Variants in MSH3 observed in about 807,000 individuals in gnomAD.
MSH3 encodes the protein mutS homolog 3, also known as DNA mismatch repair protein Msh3.
MSH3 carries 106 observed loss-of-function variants against 123.3 expected under a neutral mutation model. That is an observed-to-expected ratio of 0.86 (90% CI 0.73 to 1.01). The LOEUF (loss-of-function observed/expected upper bound fraction) is 1.01. Among genes scored for constraint, MSH3 ranks in the 50% least tolerant of loss-of-function variants. The pLI, the probability that MSH3 is intolerant of heterozygous loss-of-function variation, is 0.00. For missense variants in MSH3, 1,459 were observed against 1,347.6 expected (o/e 1.08, Z -1.29); for synonymous variants, 515 against 481.4 (o/e 1.07, Z -0.91).
At chr5:80,688,443 C>T (rs1750141840) in intron 8 of MSH3, among the ~76,000 whole-genome samples, 1 of 152,128 alleles carries the variant, frequency 6.6e-6, no homozygotes, top group Non-Finnish European at 1.5e-5. Flanking sequence ...ATAGTACCAC[C>T]TGAATGTCAC....
chr5:80,826,713 T>G (rs1745317517), intron 20 of MSH3, among the ~76,000 whole-genome samples: 13 of 152,064 alleles, frequency 8.5e-5, no homozygotes, highest in Admixed American at 8.5e-4. Flanking sequence ...CACGCCCAGC[T>G]AATTTTTGTA....
At chr5:80,676,440 T>A (rs1561438706) in intron 7 of MSH3, among the ~76,000 whole-genome samples, 2 of 152,232 alleles carry the variant, frequency 1.3e-5, no homozygotes, top group Non-Finnish European at 2.9e-5. Flanking sequence ...TTCAGAACAA[T>A]CAGACACCCC....
At chr5:80,865,478 C>T (rs537456227) in intron 22 of MSH3, among the ~76,000 whole-genome samples, 1 of 151,964 alleles carries the variant, frequency 6.6e-6, no homozygotes, top group South Asian at 2.1e-4. Flanking sequence ...CTAGAATTCA[C>T]TTCTTCTGCT....
chr5:80,671,038 G>A (rs923143790), intron 4 of MSH3, among the ~76,000 whole-genome samples: 4 of 151,738 alleles, frequency 2.6e-5, no homozygotes, highest in South Asian at 2.1e-4. Flanking sequence ...CAGGAGAGTC[G>A]CTTGAACCCG....
intron 20 of MSH3, among the ~76,000 whole-genome samples, chr5:80,814,557 C>T (rs1173735298): frequency 6.6e-6 from 1 of 152,232 alleles, no homozygotes; most frequent in South Asian, 2.1e-4. Flanking sequence ...AGGCGTGAGC[C>T]ACCACACCCA....
chr5:80,679,226 TTAAAA>T, intron 8 of MSH3, 133 bp downstream of exon 8: 2 of 981,526 alleles, frequency 2.0e-6, no homozygotes, highest in Non-Finnish European at 3.1e-6. Flanking sequence ...TAGTGGAAAT[TTAAAA>T]AAAAAAGTAA....
intron 8 of MSH3, among the ~76,000 whole-genome samples, chr5:80,700,192 C>A (rs1750576001): frequency 6.6e-6 from 1 of 152,108 alleles, no homozygotes; most frequent in Non-Finnish European, 1.5e-5. Context: ...TCAGCCTGGC[C>A]AACATGGTGA....
chr5:80,738,016 A>G (rs40139), intron 10 of MSH3, among the ~76,000 whole-genome samples: 71,965 of 152,018 alleles, frequency 0.47, 17,232 homozygotes, highest in East Asian at 0.63. Flanking sequence ...GAAAAGACAA[A>G]AACACCCATA....
intron 8 of MSH3, among the ~76,000 whole-genome samples, chr5:80,692,362 A>AGAT (rs1750302252): frequency 3.4e-5 from 2 of 58,780 alleles, no homozygotes; most frequent in South Asian, 1.2e-3. Context: ...TTAGATAGAT[A>AGAT]AACATGTATA....
At chr5:80,689,810 T>A (rs1387221577) in intron 8 of MSH3, among the ~76,000 whole-genome samples, 1 of 151,882 alleles carries the variant, frequency 6.6e-6, no homozygotes, top group Non-Finnish European at 1.5e-5. Context: ...AATAAAAGTG[T>A]CATATCATCA....
At chr5:80,837,876 T>G (rs1478016793) in intron 20 of MSH3, among the ~76,000 whole-genome samples, 1 of 152,116 alleles carries the variant, frequency 6.6e-6, no homozygotes, top group Non-Finnish European at 1.5e-5. Flanking sequence ...TGCATCCACT[T>G]TCAGAATTAC....
intron 8 of MSH3, among the ~76,000 whole-genome samples, chr5:80,708,809 CTG>C (rs1206344635): frequency 6.6e-6 from 1 of 151,496 alleles, no homozygotes; most frequent in African/African-American, 2.4e-5. Context: ...GACACAGTCT[CTG>C]TCACCCAGGC....
rs57762095 is a variant in MSH3 at position 80,750,078 on chromosome 5, A to AGTGTGTGTGTGTGTGTGTGTGT, written c.1763+5476_1763+5497dup. Among the ~76,000 whole-genome samples, 517 of 134,214 alleles carry AGTGTGTGTGTGTGTGTGTGTGT rather than the reference A, an allele frequency of 3.9e-3. 5 individuals carry two copies. The highest frequency in any genetic ancestry group is 8.2e-3 in the African/African-American group (275 of 33,360). 88.0% of individuals were successfully genotyped at this position (134,214 alleles called of 152,430 possible). On this transcript the variant is annotated intron_variant, in intron 12 of 23. Transcript: ENST00000265081. ...TTTTTAAGGCTGAATAGTATTCCAGAGTGTGTGTGTGTGTGTGTGTGTGTG... is the reference window on the plus strand; with the variant it reads ...TTTTTAAGGCTGAATAGTATTCCAGAGTGTGTGTGTGTGTGTGTGTGTGTGTGTGTGTGTGTGTGTGTGTGTG...
intron 8 of MSH3, among the ~76,000 whole-genome samples, chr5:80,693,551 G>C (rs528597501): frequency 1.4e-5 from 2 of 147,810 alleles, no homozygotes; most frequent in East Asian, 3.9e-4. Context: ...ATATGCACAT[G>C]TATGTGTTTA....
At position 80,738,699 on chromosome 5, in the gene MSH3, A is replaced by G. The variant is rs561612771; in HGVS notation, c.1569-2765A>G. On this transcript the variant is annotated intron_variant, in intron 10 of 23. Coordinates refer to ENST00000265081, the MANE Select transcript of MSH3 (RefSeq NM_002439.5). ...GCAGTGAGCTGAGATGCTTTTAGGAAAGGCTGCTAGATTGTGGTTTCTTGA... is the reference window on the plus strand; with the variant it reads ...GCAGTGAGCTGAGATGCTTTTAGGAGAGGCTGCTAGATTGTGGTTTCTTGA... Among the ~76,000 whole-genome samples the G allele has an allele frequency of 3.9e-5, 6 of 152,202 alleles. No homozygotes were observed. In the East Asian group the frequency reaches 7.7e-4, roughly 20 times the overall value.
intron 12 of MSH3, among the ~76,000 whole-genome samples, chr5:80,760,526 T>C (rs1024210227): frequency 1.3e-5 from 2 of 152,330 alleles, no homozygotes; most frequent in African/African-American, 4.8e-5. Context: ...GGTCAATATG[T>C]TTAATTTAAT....
intron 10 of MSH3, among the ~76,000 whole-genome samples, chr5:80,733,189 A>G (rs1251125773): frequency 6.6e-6 from 1 of 152,200 alleles, no homozygotes; most frequent in African/African-American, 2.4e-5. Context: ...ACTTATGGTC[A>G]TTTGATTACT....
chr5:80,655,173 C>G (rs984844126), intron 1 of MSH3: 12 of 450,378 alleles, frequency 2.7e-5, no homozygotes, highest in Admixed American at 4.2e-5. Context: ...AGGAGATAGG[C>G]AAAGGTTATG....
intron 8 of MSH3, among the ~76,000 whole-genome samples, chr5:80,714,428 G>A (rs1034946641): frequency 1.3e-5 from 2 of 152,002 alleles, no homozygotes; most frequent in African/African-American, 4.8e-5. Context: ...GAGCCACCAC[G>A]TCTGGCCCAA....
Sources: gnomAD v4.1 joint callset for allele counts (sites outside exome capture counted in the v4.1 genomes callset) on GRCh38, gnomAD v4.1.1 for gene constraint, MANE v1.5 for transcripts, NCBI Gene and HGNC (gene_info 2026-07-23, HGNC 2026-07-21) for gene names.